Variants in MACF1 observed in about 807,000 individuals in gnomAD.
The protein encoded by MACF1 is microtubule-actin cross-linking factor 1.
A neutral mutation model predicts 854.8 loss-of-function variants in MACF1; 193 were observed. That is an observed-to-expected ratio of 0.23 (90% CI 0.20 to 0.25). MACF1 has a LOEUF of 0.25. MACF1 is among the 10% of genes least tolerant of loss of function. The pLI is 1.00. For missense variants in MACF1, 7,722 were observed against 8,929.1 expected (o/e 0.86, Z 5.45); for synonymous variants, 3,185 against 3,226.7 (o/e 0.99, Z 0.44).
intron 58 of MACF1, among the ~76,000 whole-genome samples, chr1:39,405,403 T>C (rs1642658136): frequency 6.6e-6 from 1 of 152,244 alleles, no homozygotes; most frequent in East Asian, 1.9e-4. Flanking sequence ...CTACTCAGAA[T>C]TAGTCTTCCA....
intron 1 of MACF1, among the ~76,000 whole-genome samples, chr1:39,208,477 C>T (rs1293112853): frequency 1.3e-5 from 2 of 151,806 alleles, no homozygotes; most frequent in African/African-American, 2.4e-5. Context: ...TTTCTGAAAC[C>T]GAGTCTCACT....
chr1:39,443,459 A>G lies in MACF1; in HGVS notation c.19316A>G (p.His6439Arg). 6.2e-7 allele frequency: 1 copy of G among 1,612,666 alleles called. No homozygotes were observed. The highest frequency in any genetic ancestry group is 2.2e-5 in the East Asian group (1 of 44,828). The change falls in exon 79 of 101, where the codon CAC becomes CGC. Residue 6439 changes from histidine to arginine, a missense_variant. Coordinates refer to ENST00000564288, the MANE Select transcript of MACF1 (RefSeq NM_001394062.1). ...QSTLQQAQGF[H>R]SEIEDFLLEL... ...TTTTCTCAAAAGGCCCAGGGCTTCC[A>G]CAGTGAAATTGAAGATTTCCTCTTG...
chr1:39,329,268 A>G (rs1015014125), intron 36 of MACF1, among the ~76,000 whole-genome samples: 1 of 152,200 alleles, frequency 6.6e-6, no homozygotes, highest in Non-Finnish European at 1.5e-5. Context: ...AGAAATGGAG[A>G]TGAGAACCAA....
chr1:39,395,666 A>G (rs1391371688), intron 58 of MACF1, among the ~76,000 whole-genome samples: 1 of 152,194 alleles, frequency 6.6e-6, no homozygotes, highest in Non-Finnish European at 1.5e-5. Flanking sequence ...ACAGCCAACC[A>G]AGAGTTTGGC....
intron 58 of MACF1, among the ~76,000 whole-genome samples, chr1:39,407,678 G>A (rs528817160): frequency 6.6e-6 from 1 of 152,296 alleles, no homozygotes; most frequent in East Asian, 1.9e-4. Flanking sequence ...TTTTTGCCAA[G>A]GACCAGTCTG....
Position 39,360,892 on chromosome 1 carries a change from G to T in MACF1, c.12344G>T (p.Ser4115Ile). The T allele has an allele frequency of 6.2e-7, 1 of 1,613,918 alleles. No individual in the cohort carries two copies. The highest frequency in any genetic ancestry group is 8.5e-7 in the Non-Finnish European group (1 of 1,179,942). Residue 4115 changes from serine (S) to isoleucine (I), a missense_variant, in exon 48 of 101, where the codon AGC (serine) becomes ATC (isoleucine). Physicochemically the swap from Ser to Ile is moderately radical, Grantham distance 142. Transcript: ENST00000564288. ...AIAQSQSVQE[S>I]LESLLQSIGE... The stretch of plus-strand genomic sequence containing the variant: ...GCCCAATCTCAGAGTGTCCAGGAAA[G>T]CCTGGAGAGCCTGTTGCAGTCTATT...
intron 23 of MACF1, among the ~76,000 whole-genome samples, chr1:39,305,276 A>AG (rs1212294283): frequency 8.6e-5 from 11 of 128,248 alleles, no homozygotes; most frequent in Non-Finnish European, 1.5e-4. Context: ...AAAAAAAAAA[A>AG]AGTGTGTGTG....
chr1:39,458,728 G>A (rs1644492140), intron 90 of MACF1: 1 of 538,208 alleles, frequency 1.9e-6, no homozygotes, highest in Non-Finnish European at 3.2e-6. Context: ...TTTTAACAGT[G>A]GCCTTTCCAT....
intron 22 of MACF1, among the ~76,000 whole-genome samples, chr1:39,301,981 CTATT>C (rs139531559): frequency 1.3e-5 from 2 of 150,996 alleles, no homozygotes; most frequent in African/African-American, 2.4e-5. Context: ...ACCACTGTAC[CTATT>C]TATTTATTTA....
chr1:39,468,774 C>T lies in MACF1; in HGVS notation c.21889+42C>T, dbSNP rs369792204. ...AGCATGAATTACGTGTTAGGTATGC[C>T]CCCAGCAGTGATCTTTTATGCTTAC... On this transcript the variant is annotated intron_variant, in intron 96 of 100. Transcript: ENST00000564288. 7 of 1,516,120 alleles carry T rather than the reference C, an allele frequency of 4.6e-6. No homozygotes were observed. The African/African-American group carries it at 8.2e-5, about 18-fold the overall frequency. The allele number at this position is 1,516,120 out of a possible 1,614,324, so 93.9% of individuals were successfully genotyped here.
chr1:39,382,195 G>C lies in MACF1; in HGVS notation c.13848+43G>C, dbSNP rs1332012706. 1.9e-6 allele frequency: 3 copies of C among 1,559,190 alleles called. No homozygotes were observed. In the African/African-American group the frequency reaches 4.0e-5, roughly 21 times the overall value. ...AAAGAAATTGGAATCACATGAAACT[G>C]GGTTTGAATGTTTCTCCCAGTAAGT... On this transcript the variant is annotated intron_variant, in intron 56 of 100. Transcript: ENST00000564288.
At chr1:39,107,346 T>C (rs1642270788) in intron 2 of MACF1, among the ~76,000 whole-genome samples, 1 of 151,906 alleles carries the variant, frequency 6.6e-6, no homozygotes, top group Non-Finnish European at 1.5e-5. Flanking sequence ...TTTTTAGCTG[T>C]CTCACTCAGT....
At chr1:39,272,903 A>T (rs1313845723) in intron 6 of MACF1, among the ~76,000 whole-genome samples, 1 of 152,202 alleles carries the variant, frequency 6.6e-6, no homozygotes, top group African/African-American at 2.4e-5. Context: ...ACAGGCTAAT[A>T]GCAATCGCTC....
At chr1:39,456,477 G>C (rs576401138) in intron 89 of MACF1, among the ~76,000 whole-genome samples, 3 of 152,336 alleles carry the variant, frequency 2.0e-5, no homozygotes, top group African/African-American at 7.2e-5. Flanking sequence ...GTTTAAGGTA[G>C]GCCAGGCTAA....
intron 1 of MACF1, among the ~76,000 whole-genome samples, chr1:39,219,721 AT>A (rs1209429799): frequency 6.6e-6 from 1 of 152,182 alleles, no homozygotes; most frequent in Non-Finnish European, 1.5e-5. Context: ...TGTAGAGGGA[AT>A]ATCTGAGTGG....
intron 97 of MACF1, among the ~76,000 whole-genome samples, chr1:39,469,968 T>C (rs531315483): frequency 6.6e-6 from 1 of 152,302 alleles, no homozygotes; most frequent in East Asian, 1.9e-4. Flanking sequence ...CGTAAATAAT[T>C]TGCCCAAAGA....
intron 16 of MACF1, 30 bp downstream of exon 16, chr1:39,292,068 G>A (rs2148399897): frequency 6.2e-7 from 1 of 1,611,356 alleles, no homozygotes; most frequent in Non-Finnish European, 8.5e-7. Flanking sequence ...CACATTACAG[G>A]AGGGACGTGG....
intron 1 of MACF1, among the ~76,000 whole-genome samples, chr1:39,214,191 AT>A (rs1200268931): frequency 6.6e-6 from 1 of 152,160 alleles, no homozygotes; most frequent in African/African-American, 2.4e-5. Flanking sequence ...TTAGGCCCTT[AT>A]CTGCAGCGGG....
chr1:39,249,922 A>T, intron 2 of MACF1, 92 bp from the exon 3 acceptor site: 2 of 638,744 alleles, frequency 3.1e-6, no homozygotes, highest in South Asian at 4.4e-5. Context: ...AAATTCTTTA[A>T]TTTGTGTTTA....
Sources: gnomAD v4.1 joint callset for allele counts (sites outside exome capture counted in the v4.1 genomes callset) on GRCh38, gnomAD v4.1.1 for gene constraint, MANE v1.5 for transcripts, NCBI Gene and HGNC (gene_info 2026-07-23, HGNC 2026-07-21) for gene names.